The following GSE1 variants were observed in gnomAD, a reference collection of about 807,000 sequenced individuals.
GSE1 encodes Gse1 coiled-coil protein.
A neutral mutation model predicts 112.6 loss-of-function variants in GSE1; 32 were observed. The observed-to-expected ratio is 0.28, with a 90% CI of 0.21 to 0.38. The LOEUF (loss-of-function observed/expected upper bound fraction) is 0.38. Ranked by LOEUF, GSE1 falls within the 10% of genes least tolerant of loss-of-function variation. GSE1 has a pLI of 1.00. For missense variants in GSE1, 2,348 were observed against 1,699.2 expected, an observed-to-expected ratio of 1.38 and a Z score of -6.71; for synonymous variants, 1,115 against 735.6, an observed-to-expected ratio of 1.52 and a Z score of -8.35.
chr16:85,186,501 G>C (rs1311981614), intron 1 of GSE1, among the ~76,000 whole-genome samples: 1 of 152,118 alleles, frequency 6.6e-6, no homozygotes, highest in African/African-American at 2.4e-5. Context: ...TACTAGAGAG[G>C]CTGAGGCAGG....
At chr16:85,561,855 C>G (rs187119281) in intron 1 of GSE1, among the ~76,000 whole-genome samples, 3 of 152,364 alleles carry the variant, frequency 2.0e-5, no homozygotes, top group East Asian at 1.9e-4. Context: ...TCCCACCCAT[C>G]TAAACTGCTT....
Position 85,252,793 on chromosome 16 carries a change from C to T in GSE1, c.2283+80986C>T, listed in dbSNP as rs573050266. On this transcript the variant is annotated intron_variant, in intron 1 of 2. Coordinates refer to the GSE1 transcript ENST00000637419. ...AGTTACAGGTGCAGTCTGAGGCTGC[C>T]GGTGACAGGACGGGCCTGTCCTTGC... 1.1e-4 allele frequency among the ~76,000 whole-genome samples: 17 copies of T among 152,314 alleles called. No individual in the cohort carries two copies. The East Asian group carries it at 2.5e-3, about 22-fold the overall frequency.
chr16:85,657,551 G>A lies in GSE1; in HGVS notation c.1587G>A (p.Met529Ile). The A allele has an allele frequency of 6.3e-7, 1 of 1,586,678 alleles. No individual in the cohort carries two copies. Among genetic ancestry groups the A allele is most frequent in the Non-Finnish European group, 8.6e-7 (1 of 1,165,816 alleles). ...AGGTGCTGGAGCAGCACCTGGATAT[G>A]GGCCGGCCCCCGGTGCCGGCGGAGG... ...RQQVLEQHLDMGRPPVPAEAE... is the reference protein window; with the variant it reads ...RQQVLEQHLDIGRPPVPAEAE... The change falls in exon 8 of 16, where the codon ATG becomes ATA. Residue 529 changes from methionine (M) to isoleucine (I), a missense_variant. Coordinates refer to ENST00000253458, the MANE Select transcript of GSE1 (RefSeq NM_014615.5).
At chr16:85,503,392 C>T (rs1350863246) in intron 2 of GSE1, among the ~76,000 whole-genome samples, 3 of 152,198 alleles carry the variant, frequency 2.0e-5, no homozygotes, top group Non-Finnish European at 4.4e-5. Context: ...TGCCGCTCCT[C>T]CTCCTCCTCC....
chr16:85,558,745 T>C (rs1029660971), intron 1 of GSE1, among the ~76,000 whole-genome samples: 4 of 152,212 alleles, frequency 2.6e-5, no homozygotes, highest in African/African-American at 9.7e-5. Context: ...TTTTACACTT[T>C]ATTGTCTTAG....
At position 85,519,709 on chromosome 16, in the gene GSE1, AC is replaced by A. The variant is rs1567556172; in HGVS notation, c.2465-114204del. Among the ~76,000 whole-genome samples, 3 of 132,498 alleles carry A rather than the reference AC, an allele frequency of 2.3e-5. No homozygotes were observed. The South Asian group carries it at 7.5e-4, about 33-fold the overall frequency. 86.9% of individuals were successfully genotyped at this position (132,498 alleles called of 152,430 possible). A position where few individuals can be genotyped will look rare whatever the true frequency, so the allele number is the denominator to read the frequency against. On this transcript the variant is annotated intron_variant, in intron 2 of 2. Transcript: ENST00000637419. ...CACCACCATCACCACAGTCTCCATC[AC>A]TGTCATCATCATCACCATCACCATC...
chr16:85,249,922 A>G (rs1470586581), intron 1 of GSE1, among the ~76,000 whole-genome samples: 1 of 152,180 alleles, frequency 6.6e-6, no homozygotes, highest in Non-Finnish European at 1.5e-5. Flanking sequence ...CAGGGCCGAG[A>G]GCGATGCCAG....
chr16:85,483,126 C>G (rs1446518085), intron 2 of GSE1, among the ~76,000 whole-genome samples: 1 of 152,196 alleles, frequency 6.6e-6, no homozygotes, highest in Non-Finnish European at 1.5e-5. Context: ...CTATGTGGAT[C>G]AGGTGTATAT....
At chr16:85,383,282 G>C (rs1276656493) in intron 2 of GSE1, among the ~76,000 whole-genome samples, 10 of 151,000 alleles carry the variant, frequency 6.6e-5, no homozygotes, top group Admixed American at 6.6e-4. Context: ...ACAGTTCCCA[G>C]CACACATGCA....
At chr16:85,556,369 C>A in intron 1 of GSE1, 2 of 984,030 alleles carry the variant, frequency 2.0e-6, no homozygotes, top group Non-Finnish European at 2.4e-6. Flanking sequence ...ACCAGGTAAG[C>A]GAGCCGTGCG....
intron 1 of GSE1, among the ~76,000 whole-genome samples, chr16:85,181,857 G>A (rs565596496): frequency 7.9e-5 from 12 of 152,190 alleles, no homozygotes; most frequent in African/African-American, 2.4e-4. Flanking sequence ...TGGATGTCCC[G>A]AGAGCATGGC....
chr16:85,176,181 G>A (rs756569989), intron 1 of GSE1, among the ~76,000 whole-genome samples: 1 of 152,186 alleles, frequency 6.6e-6, no homozygotes, highest in African/African-American at 2.4e-5. Flanking sequence ...TAGAGACTCT[G>A]TTGCCCTGGC....
chr16:85,611,009 C>G (rs2047946530), upstream of GSE1, among the ~76,000 whole-genome samples: 1 of 152,234 alleles, frequency 6.6e-6, no homozygotes, highest in African/African-American at 2.4e-5. Context: ...GAAACCTAAC[C>G]CCACCTTCAC....
intron 1 of GSE1, among the ~76,000 whole-genome samples, chr16:85,238,892 C>T (rs768708700): frequency 1.2e-4 from 18 of 152,180 alleles, no homozygotes; most frequent in Admixed American, 2.6e-4. Context: ...GACCTGCTGA[C>T]GCCACCTGCA....
At chr16:85,623,424 G>C (rs1177406021) in intron 1 of GSE1, among the ~76,000 whole-genome samples, 5 of 152,102 alleles carry the variant, frequency 3.3e-5, no homozygotes, top group African/African-American at 9.7e-5. Flanking sequence ...TACTGACAGG[G>C]AAACTGAGGC....
At chr16:85,182,885 C>T (rs576260844) in intron 1 of GSE1, among the ~76,000 whole-genome samples, 5 of 152,214 alleles carry the variant, frequency 3.3e-5, no homozygotes, top group African/African-American at 1.2e-4. Flanking sequence ...CCCCAGCACA[C>T]CCGCCTCCCT....
intron 2 of GSE1, among the ~76,000 whole-genome samples, chr16:85,379,093 A>G (rs530492962): frequency 1.1e-4 from 17 of 152,232 alleles, no homozygotes; most frequent in African/African-American, 3.9e-4. Flanking sequence ...GAGAGCTGCC[A>G]TCTCCCTGCA....
At chr16:85,664,108 A>G (rs1383552838) in intron 11 of GSE1, among the ~76,000 whole-genome samples, 2 of 152,272 alleles carry the variant, frequency 1.3e-5, no homozygotes, top group Admixed American at 6.5e-5. Flanking sequence ...CTGGCCACAC[A>G]GGGCCACATT....
chr16:85,269,035 C>T (rs1192139222), intron 1 of GSE1, among the ~76,000 whole-genome samples: 1 of 149,240 alleles, frequency 6.7e-6, no homozygotes, highest in East Asian at 1.9e-4. Context: ...GAGTCAAGGG[C>T]TTCCTGGACA....
Sources: allele counts gnomAD v4.1 joint callset (sites outside exome capture counted in the v4.1 genomes callset), GRCh38; gene constraint gnomAD v4.1.1; transcripts MANE v1.5; gene names NCBI Gene and HGNC (gene_info 2026-07-23, HGNC 2026-07-21).